Variants in CMPK1 observed in about 807,000 individuals in gnomAD.
CMPK1 encodes the protein UMP-CMP kinase.
CMPK1 carries 10 observed loss-of-function variants against 25.7 expected under a neutral mutation model. That is an observed-to-expected ratio of 0.39 (90% CI 0.24 to 0.66). The LOEUF (loss-of-function observed/expected upper bound fraction) is 0.66. Ranked by LOEUF, CMPK1 falls within the 30% of genes least tolerant of loss-of-function variation. The pLI, the probability that CMPK1 is intolerant of heterozygous loss-of-function variation, is 0.48. For synonymous variants in CMPK1, 106 were observed against 101.5 expected, an observed-to-expected ratio of 1.04 and a Z score of -0.27; for missense variants, 199 against 280.5, an observed-to-expected ratio of 0.71 and a Z score of 2.08.
chr1:47,343,462 C>T (rs1338036241), intron 1 of CMPK1, among the ~76,000 whole-genome samples: 1 of 151,386 alleles, frequency 6.6e-6, no homozygotes, highest in Admixed American at 6.6e-5. Flanking sequence ...GAGCCAAGAC[C>T]ACACCATTGC....
chr1:47,355,839 G>A (rs555920314), intron 1 of CMPK1, among the ~76,000 whole-genome samples: 2 of 149,198 alleles, frequency 1.3e-5, no homozygotes, highest in South Asian at 4.3e-4. Flanking sequence ...ATTTGACCTC[G>A]GGTGATTAGC....
intron 3 of CMPK1, 67 bp downstream of exon 3, chr1:47,373,174 A>G (rs764685825): frequency 4.3e-5 from 62 of 1,430,926 alleles, no homozygotes; most frequent in South Asian, 9.7e-5. Flanking sequence ...AGAAAAAACA[A>G]AGGATTTTTT....
intron 1 of CMPK1, among the ~76,000 whole-genome samples, chr1:47,339,648 G>GGACCAGAA (rs1250442436): frequency 1.3e-5 from 2 of 151,176 alleles, no homozygotes; most frequent in Non-Finnish European, 2.9e-5. Context: ...CCCATTTTAA[G>GGACCAGAA]GACCAGAAGT....
intron 1 of CMPK1, among the ~76,000 whole-genome samples, chr1:47,364,511 G>A (rs1646625688): frequency 6.6e-6 from 1 of 151,482 alleles, no homozygotes; most frequent in Non-Finnish European, 1.5e-5. Context: ...AGAGACGGGG[G>A]TTTCACCATG....
intron 1 of CMPK1, among the ~76,000 whole-genome samples, chr1:47,350,669 C>T (rs1178753401): frequency 1.3e-5 from 2 of 151,826 alleles, no homozygotes; most frequent in South Asian, 2.1e-4. Context: ...CTGAGGTGGG[C>T]GAATCACGAG....
At chr1:47,352,457 T>C (rs1190893976) in intron 1 of CMPK1, among the ~76,000 whole-genome samples, 1 of 151,452 alleles carries the variant, frequency 6.6e-6, no homozygotes. Flanking sequence ...AACTGGTATC[T>C]ATATAGTGCC....
intron 1 of CMPK1, among the ~76,000 whole-genome samples, chr1:47,340,299 C>T (rs1183143746): frequency 2.0e-5 from 3 of 148,256 alleles, no homozygotes; most frequent in East Asian, 2.0e-4. Flanking sequence ...AGCAAGACTC[C>T]GTCTCAAAAA....
intron 1 of CMPK1, among the ~76,000 whole-genome samples, chr1:47,343,487 A>ATG (rs1460555490): frequency 2.8e-5 from 4 of 143,326 alleles, no homozygotes; most frequent in East Asian, 2.1e-4. Context: ...CAGCCTGGGC[A>ATG]ACAGAGTGAG....
intron 1 of CMPK1, among the ~76,000 whole-genome samples, chr1:47,352,725 A>C (rs757446783): frequency 6.6e-6 from 1 of 152,140 alleles, no homozygotes; most frequent in Non-Finnish European, 1.5e-5. Flanking sequence ...ACCACTTCTT[A>C]GGTCATTTTC....
In CMPK1 at chr1:47,361,871, C is replaced by CTTT. The variant is rs34928345; in HGVS notation, c.172-6582_172-6580dup. The stretch of plus-strand genomic sequence containing the variant: ...GGATATAAGCTTTTAAAATACTACT[C>CTTT]TTTTTTTTTTTTTTTTTTGACGGAG... On this transcript the variant is annotated intron_variant, in intron 1 of 5. Transcript: ENST00000371873. Among the ~76,000 whole-genome samples, 924 of 125,884 alleles carry CTTT rather than the reference C, an allele frequency of 7.3e-3. 19 individuals carry two copies. Among genetic ancestry groups the CTTT allele is most frequent in the African/African-American group, 0.026 (841 of 32,738 alleles). The allele number at this position is 125,884 out of a possible 152,430, so 82.6% of individuals were successfully genotyped here.
At chr1:47,358,390 G>A in intron 1 of CMPK1, 3 of 1,274,214 alleles carry the variant, frequency 2.4e-6, no homozygotes, top group Non-Finnish European at 3.1e-6. Flanking sequence ...TGAGATTACA[G>A]GCATGAGCCA....
chr1:47,345,072 A>G (rs965376840), intron 1 of CMPK1, among the ~76,000 whole-genome samples: 20 of 151,810 alleles, frequency 1.3e-4, no homozygotes, highest in African/African-American at 4.8e-4. Flanking sequence ...GTGCACCACC[A>G]TGCCCGGCTA....
intron 1 of CMPK1, among the ~76,000 whole-genome samples, chr1:47,345,681 TCTC>T (rs530766657): frequency 2.9e-4 from 44 of 150,820 alleles, no homozygotes; most frequent in African/African-American, 1.0e-3. Context: ...TTTTAGTCAA[TCTC>T]CTGACCTCGT....
intron 1 of CMPK1, chr1:47,358,918 A>C (rs1389536590): frequency 1.0e-6 from 1 of 985,268 alleles, no homozygotes; most frequent in Non-Finnish European, 1.2e-6. Flanking sequence ...GGATCTTTAC[A>C]TGTTGCATTT....
intron 1 of CMPK1, among the ~76,000 whole-genome samples, chr1:47,339,701 C>CTTTTT (rs71053104): frequency 4.5e-5 from 5 of 109,952 alleles, no homozygotes; most frequent in Admixed American, 1.1e-4. Context: ...TCTTCCTTTC[C>CTTTTT]TTTTTTTTTT....
chr1:47,339,171 A>G (rs529603942), intron 1 of CMPK1, among the ~76,000 whole-genome samples: 2 of 151,428 alleles, frequency 1.3e-5, no homozygotes, highest in Non-Finnish European at 2.9e-5. Flanking sequence ...TCAGCCTCCC[A>G]AGTAGCTGGG....
chr1:47,363,546 G>A (rs1180898037), intron 1 of CMPK1, among the ~76,000 whole-genome samples: 2 of 152,160 alleles, frequency 1.3e-5, no homozygotes, highest in Non-Finnish European at 2.9e-5. Context: ...GCTGAGGCAG[G>A]AGAATCGCTT....
In CMPK1 at chr1:47,334,077, C is replaced by A; in HGVS notation, c.132C>A (p.Pro44=). 1 of 1,539,076 alleles carries A rather than the reference C, an allele frequency of 6.5e-7. No homozygotes were observed. Among genetic ancestry groups the A allele is most frequent in the Non-Finnish European group, 8.8e-7 (1 of 1,141,832 alleles). The part of the protein sequence containing the change: ...KPLVVFVLGG[P]GAGKGTQCAR... ...TGGTCGTGTTCGTCCTCGGCGGCCC[C>A]GGCGCCGGCAAGGGGACCCAGTGCG... The change falls in exon 1 of 6, where the codon CCC becomes CCA. Residue 44 remains proline, a synonymous_variant. Coordinates refer to ENST00000371873, the MANE Select transcript of CMPK1 (RefSeq NM_016308.3).
intron 2 of CMPK1, among the ~76,000 whole-genome samples, chr1:47,371,127 G>T (rs1646675523): frequency 1.3e-5 from 2 of 152,118 alleles, no homozygotes; most frequent in African/African-American, 4.8e-5. Context: ...AACAAGAAAT[G>T]GCTGAAGCCT....
Sources: gnomAD v4.1 joint callset for allele counts (sites outside exome capture counted in the v4.1 genomes callset) on GRCh38, gnomAD v4.1.1 for gene constraint, MANE v1.5 for transcripts, NCBI Gene and HGNC (gene_info 2026-07-23, HGNC 2026-07-21) for gene names.